Variants in PDE3A observed in about 807,000 individuals in gnomAD.
PDE3A encodes phosphodiesterase 3A.
In PDE3A, 43 loss-of-function variants were observed where a neutral mutation model predicts 98.3. The ratio of observed to expected loss-of-function variants is 0.44; its 90% CI spans 0.34 to 0.56. The LOEUF (loss-of-function observed/expected upper bound fraction) is 0.56. Among genes scored for constraint, PDE3A ranks in the 20% least tolerant of loss-of-function variants. PDE3A has a pLI of 0.01. For synonymous variants in PDE3A, 663 were observed against 567.9 expected, an observed-to-expected ratio of 1.17 and a Z score of -2.38; for missense variants, 1,427 against 1,440.7, an observed-to-expected ratio of 0.99 and a Z score of 0.15.
intron 1 of PDE3A, among the ~76,000 whole-genome samples, chr12:20,386,070 A>AAATATATATAAATATATATAT (rs1565532446): frequency 8.1e-5 from 3 of 37,146 alleles, no homozygotes; most frequent in African/African-American, 3.1e-4. Context: ...AAATATATAT[A>AAATATATATAAATATATATAT]AAATATATAT....
At chr12:20,608,699 G>A (rs956804900) in intron 2 of PDE3A, among the ~76,000 whole-genome samples, 2 of 151,680 alleles carry the variant, frequency 1.3e-5, no homozygotes, top group African/African-American at 4.8e-5. Context: ...ATTATAAAAA[G>A]ACACACAATT....
chr12:20,529,587 T>C (rs527321101), intron 1 of PDE3A, among the ~76,000 whole-genome samples: 76 of 152,118 alleles, frequency 5.0e-4, no homozygotes, highest in African/African-American at 1.7e-3. Flanking sequence ...CAGATGGCCA[T>C]CTGAAGACAG....
chr12:20,660,036 C>G (rs561779493), intron 15 of PDE3A, among the ~76,000 whole-genome samples: 4 of 152,208 alleles, frequency 2.6e-5, no homozygotes, highest in African/African-American at 7.2e-5. Flanking sequence ...TTCCCATAAT[C>G]CCCATGTGTC....
chr12:20,568,692 A>G (rs893425073), intron 2 of PDE3A, among the ~76,000 whole-genome samples: 3 of 152,024 alleles, frequency 2.0e-5, no homozygotes, highest in Non-Finnish European at 4.4e-5. Flanking sequence ...TATTTGATGC[A>G]GTATTTTTGT....
intron 1 of PDE3A, among the ~76,000 whole-genome samples, chr12:20,461,379 A>G (rs1945247910): frequency 6.6e-6 from 1 of 152,186 alleles, no homozygotes; most frequent in Admixed American, 6.5e-5. Flanking sequence ...AAGTTTTAAA[A>G]AATAAATCCA....
At chr12:20,499,917 T>G (rs1945991907) in intron 1 of PDE3A, among the ~76,000 whole-genome samples, 1 of 152,184 alleles carries the variant, frequency 6.6e-6, no homozygotes, top group Non-Finnish European at 1.5e-5. Context: ...TGTTTCCTAC[T>G]ATTATTCTAA....
At chr12:20,653,316 A>T (rs1001496885) in intron 14 of PDE3A, among the ~76,000 whole-genome samples, 1 of 152,198 alleles carries the variant, frequency 6.6e-6, no homozygotes, top group Non-Finnish European at 1.5e-5. Context: ...AGCCAAAGCA[A>T]AAAAAGGAAA....
chr12:20,376,232 T>C (rs951583645), intron 1 of PDE3A, among the ~76,000 whole-genome samples: 4 of 151,900 alleles, frequency 2.6e-5, no homozygotes, highest in African/African-American at 9.7e-5. Flanking sequence ...TAGACTACAA[T>C]TAGTCTGATT....
Position 20,629,948 on chromosome 12 carries a change from C to T in PDE3A, c.1581C>T (p.Ser527=). ...AKISPLSSPC[S]SPLQGTPASS... ...TTTCACCTCTTTCATCGCCCTGCTC[C>T]TCACCTCTCCAAGGGACTCCTGCCA... The change falls in exon 6 of 16, where the codon TCC becomes TCT. Residue 527 remains serine (S), a synonymous_variant. Transcript: ENST00000359062. The T allele has an allele frequency of 6.2e-7, 1 of 1,614,020 alleles. No individual in the cohort carries two copies. The highest frequency in any genetic ancestry group is 8.5e-7 in the Non-Finnish European group (1 of 1,179,962).
At chr12:20,435,361 T>C (rs1429482942) in intron 1 of PDE3A, among the ~76,000 whole-genome samples, 1 of 152,280 alleles carries the variant, frequency 6.6e-6, no homozygotes, top group East Asian at 1.9e-4. Context: ...TTCAATAGAA[T>C]TTAGGCTTGT....
chr12:20,617,303 T>C (rs1410548754), intron 4 of PDE3A, among the ~76,000 whole-genome samples: 1 of 152,126 alleles, frequency 6.6e-6, no homozygotes, highest in Non-Finnish European at 1.5e-5. Flanking sequence ...TGACCTTTCT[T>C]TTTTGATTAA....
At chr12:20,443,003 A>C (rs772380361) in intron 1 of PDE3A, among the ~76,000 whole-genome samples, 22 of 152,070 alleles carry the variant, frequency 1.4e-4, no homozygotes, top group Non-Finnish European at 2.4e-4. Flanking sequence ...TTCATAAATA[A>C]TTTATCAGTT....
At chr12:20,616,473 C>A in intron 4 of PDE3A, 89 bp downstream of exon 4, 1 of 1,286,586 alleles carries the variant, frequency 7.8e-7, no homozygotes, top group Non-Finnish European at 1.1e-6. Context: ...GAAGGCTAAC[C>A]AATTACATTT....
intron 1 of PDE3A, among the ~76,000 whole-genome samples, chr12:20,486,221 G>A (rs908512199): frequency 6.6e-6 from 1 of 152,168 alleles, no homozygotes; most frequent in Non-Finnish European, 1.5e-5. Flanking sequence ...CATGGCTGGG[G>A]AGGCCTCGGG....
intron 1 of PDE3A, among the ~76,000 whole-genome samples, chr12:20,386,142 AAT>A (rs1174167635): frequency 0.16 from 4,409 of 27,838 alleles, 276 homozygotes; most frequent in Admixed American, 0.24. Context: ...AATATATATA[AAT>A]ATATATATAA....
chr12:20,652,382 C>T lies in PDE3A; in HGVS notation c.2926-1565C>T, dbSNP rs574383952. 1.4e-4 allele frequency among the ~76,000 whole-genome samples: 15 copies of T among 111,088 alleles called. 1 individual carries two copies. In the South Asian group the frequency reaches 4.5e-3, roughly 34 times the overall value. The allele number at this position is 111,088 out of a possible 152,430, so 72.9% of individuals were successfully genotyped here. ...GTTGTTGAACTAGTTTACAGTCCCA[C>T]CAACAGTGTAAAAGTGTTCCTATTT... On this transcript the variant is annotated intron_variant, in intron 14 of 15. Transcript: ENST00000359062.
intron 9 of PDE3A, among the ~76,000 whole-genome samples, chr12:20,639,542 AG>A (rs1177075122): frequency 1.3e-5 from 2 of 152,126 alleles, no homozygotes; most frequent in African/African-American, 4.8e-5. Context: ...GTGAGACTTT[AG>A]GACAGCTGAA....
chr12:20,547,998 A>AGTACTGT, intron 1 of PDE3A, among the ~76,000 whole-genome samples: 1 of 152,082 alleles, frequency 6.6e-6, no homozygotes. Context: ...CTTGGAGCTA[A>AGTACTGT]GTACTGTGTA....
intron 1 of PDE3A, among the ~76,000 whole-genome samples, chr12:20,556,122 C>T (rs186239340): frequency 7.0e-4 from 106 of 152,160 alleles, no homozygotes; most frequent in Admixed American, 4.4e-3. Flanking sequence ...ATAGGAATAA[C>T]GTGATGATAT....
Sources: gnomAD v4.1 joint callset for allele counts (sites outside exome capture counted in the v4.1 genomes callset) on GRCh38, gnomAD v4.1.1 for gene constraint, MANE v1.5 for transcripts, NCBI Gene and HGNC (gene_info 2026-07-23, HGNC 2026-07-21) for gene names.